The following NBPF12 variants were observed in gnomAD, a reference collection of about 807,000 sequenced individuals.
NBPF12 encodes the protein NBPF member 12.
A neutral mutation model predicts 146.4 loss-of-function variants in NBPF12; 115 were observed. That is an observed-to-expected ratio of 0.79 (90% CI 0.68 to 0.92). NBPF12 has a LOEUF of 0.92. NBPF12 is among the 40% of genes least tolerant of loss of function. NBPF12 has a pLI of 0.00. For synonymous variants in NBPF12, 385 were observed against 508.9 expected (o/e 0.76, Z 3.28); for missense variants, 1,205 against 1,326.8 (o/e 0.91, Z 1.43).
rs1226928365 is a variant in NBPF12 at position 146,956,060 on chromosome 1, G to A, written c.-183-3799G>A. On this transcript the variant is annotated intron_variant, in intron 2 of 33. Transcript: ENST00000617844. ...ACAGTTGTTAGGGAGGCCTGTGTTA[G>A]TGAGACCTGGCCTGCTACGTATGGA... is the stretch of plus-strand genomic sequence containing the variant. Among the ~76,000 whole-genome samples, 110 of 151,506 alleles carry A rather than the reference G, an allele frequency of 7.3e-4. 2 individuals are homozygous for A. The highest frequency in any genetic ancestry group is 2.6e-4 in the Non-Finnish European group (18 of 67,964).
At chr1:146,949,247 C>A (rs2101820406), upstream of NBPF12, 1 of 151,066 alleles carries the variant, frequency 6.6e-6, no homozygotes, top group Non-Finnish European at 1.5e-5. Context: ...CCAAGTCTCT[C>A]CTTCCACCTA....
chr1:146,969,080 A>G (rs1656401834), intron 10 of NBPF12, among the ~76,000 whole-genome samples: 1 of 151,470 alleles, frequency 6.6e-6, no homozygotes, highest in South Asian at 2.1e-4. Context: ...GTCCATGGCC[A>G]GAGTGAGGAA....
At chr1:146,953,266 T>C in intron 2 of NBPF12, among the ~76,000 whole-genome samples, 1 of 137,014 alleles carries the variant, frequency 7.3e-6, no homozygotes, top group Non-Finnish European at 1.5e-5. Context: ...ATGGGAAATC[T>C]ACTAAGAAGT....
Position 146,982,640 on chromosome 1 carries a change from C to T in NBPF12, c.2451-288C>T, listed in dbSNP as rs1187724958. 1.2e-3 allele frequency among the ~76,000 whole-genome samples: 187 copies of T among 151,238 alleles called. 2 individuals are homozygous for T. Among genetic ancestry groups the T allele is most frequent in the Non-Finnish European group, 4.9e-4 (33 of 67,758 alleles). On this transcript the variant is annotated intron_variant, in intron 19 of 33. Coordinates refer to ENST00000617844, the Ensembl canonical transcript of NBPF12. ...AAGTAGTTGAAGCCCTGTGTCAGTTCTCTGTGCTGCAAGTCATGATGGTAG... is the reference window on the plus strand; with the variant it reads ...AAGTAGTTGAAGCCCTGTGTCAGTTTTCTGTGCTGCAAGTCATGATGGTAG...
chr1:146,964,290 C>A, intron 6 of NBPF12, 67 bp from the exon 10 acceptor site: 5 of 1,590,930 alleles, frequency 3.1e-6, no homozygotes, highest in Non-Finnish European at 3.4e-6. Context: ...TCTCTGTGCA[C>A]GTTGGGCTGA....
exon 34 of NBPF12, chr1:146,995,819 A>T (rs1299104021): frequency 9.4e-4 from 141 of 150,288 alleles, no homozygotes; most frequent in African/African-American, 3.3e-3. Flanking sequence ...CACCTTACTT[A>T]TAATGAAGTA....
At position 146,971,748 on chromosome 1, in the gene NBPF12, G is replaced by A. The variant is rs1553886500; in HGVS notation, c.1591+354G>A. On this transcript the variant is annotated intron_variant, in intron 13 of 33. Coordinates refer to ENST00000617844, the Ensembl canonical transcript of NBPF12. ...ACTCTCGTTCACTCCTCTCAGGCTA[G>A]ACTCTCTCTCCTTTTCATTGGCTTG... 9.7e-3 allele frequency among the ~76,000 whole-genome samples: 1,457 copies of A among 150,936 alleles called. 21 individuals are homozygous for A. The highest frequency in any genetic ancestry group is 0.014 in the Non-Finnish European group (949 of 67,936).
chr1:146,944,936 C>T (rs1158724132), upstream of NBPF12, among the ~76,000 whole-genome samples: 3 of 111,114 alleles, frequency 2.7e-5, no homozygotes, highest in Admixed American at 2.5e-4. Flanking sequence ...GCCTCCCTCC[C>T]TCCCTCCCTT....
chr1:146,962,683 C>A (rs1388317981), intron 5 of NBPF12, among the ~76,000 whole-genome samples: 1 of 150,002 alleles, frequency 6.7e-6, no homozygotes, highest in Admixed American at 6.7e-5. Flanking sequence ...TTTCTTCTTT[C>A]ATCTTTTCAA....
At chr1:146,970,775 G>T (rs1193929467) in intron 12 of NBPF12, 56 bp downstream of exon 15, 1 of 1,259,104 alleles carries the variant, frequency 7.9e-7, no homozygotes, top group African/African-American at 1.5e-5. Context: ...AAATGTCTAG[G>T]AGGCATGCCC....
At chr1:146,962,928 G>T (rs1319567371) in intron 5 of NBPF12, among the ~76,000 whole-genome samples, 167 bp from the exon 9 acceptor site, 1 of 151,214 alleles carries the variant, frequency 6.6e-6, no homozygotes, top group Non-Finnish European at 1.5e-5. Context: ...AAAGCCTGTA[G>T]ACCATTTTCT....
At chr1:146,989,418 T>G (rs1300743096) in intron 27 of NBPF12, among the ~76,000 whole-genome samples, 156 bp from the exon 31 acceptor site, 8 of 151,740 alleles carry the variant, frequency 5.3e-5, no homozygotes, top group African/African-American at 1.7e-4. Flanking sequence ...CCTGGCCCTG[T>G]TCTATCCCAA....
At chr1:146,941,041 G>A (rs1292398002) in intron 1 of NBPF12, among the ~76,000 whole-genome samples, 7 of 151,858 alleles carry the variant, frequency 4.6e-5, no homozygotes, top group African/African-American at 9.7e-5. Context: ...TGCAGCTTGC[G>A]TTTTCACTCT....
At chr1:146,970,545 G>A in intron 11 of NBPF12, 102 bp from the exon 15 acceptor site, 2 of 1,432,060 alleles carry the variant, frequency 1.4e-6, no homozygotes, top group Admixed American at 1.7e-5. Context: ...TCAGTACAAT[G>A]CTGAACCATA....
chr1:146,942,444 T>G (rs1227622816), intron 1 of NBPF12, among the ~76,000 whole-genome samples: 1 of 151,828 alleles, frequency 6.6e-6, no homozygotes, highest in East Asian at 1.9e-4. Context: ...AATTAGAGAT[T>G]TTGTTTCTTT....
chr1:146,943,763 C>T (rs1296818420), intron 2 of NBPF12, among the ~76,000 whole-genome samples: 6 of 151,786 alleles, frequency 4.0e-5, no homozygotes, highest in South Asian at 4.2e-4. Flanking sequence ...GTGCCATGGT[C>T]GGGTGAAAGT....
intron 8 of NBPF12, among the ~76,000 whole-genome samples, chr1:146,965,806 A>AAAAAAAAT (rs1656161787): frequency 2.1e-5 from 3 of 144,836 alleles, no homozygotes; most frequent in Non-Finnish European, 4.5e-5. Context: ...AAAAAAAAAA[A>AAAAAAAAT]AAAAAAAAAA....
upstream of NBPF12, among the ~76,000 whole-genome samples, chr1:146,945,033 TCCC>T (rs1654979684): frequency 8.9e-6 from 1 of 112,608 alleles, no homozygotes; most frequent in Non-Finnish European, 1.9e-5. Flanking sequence ...CCTTCCTTCC[TCCC>T]TCCCTCCCTG....
At chr1:146,965,489 T>C (rs1436712586) in intron 8 of NBPF12, among the ~76,000 whole-genome samples, 5 of 151,108 alleles carry the variant, frequency 3.3e-5, no homozygotes, top group African/African-American at 1.2e-4. Flanking sequence ...GTCTTAGCTA[T>C]TAATAAGTCT....
Sources: gnomAD v4.1 joint callset for allele counts (sites outside exome capture counted in the v4.1 genomes callset) on GRCh38, gnomAD v4.1.1 for gene constraint, MANE v1.5 for transcripts, NCBI Gene and HGNC (gene_info 2026-07-23, HGNC 2026-07-21) for gene names.